ADAM9: variants seen among roughly 807,000 people sequenced by gnomAD.
The protein encoded by ADAM9 is disintegrin and metalloproteinase domain-containing protein 9.
A neutral mutation model predicts 108.1 loss-of-function variants in ADAM9; 54 were observed. The observed-to-expected ratio is 0.50, with a 90% CI of 0.40 to 0.63. ADAM9 has a LOEUF of 0.63. ADAM9 is among the 20% of genes least tolerant of loss of function. The pLI, the probability that ADAM9 is intolerant of heterozygous loss-of-function variation, is 0.00. For missense variants in ADAM9, 830 were observed against 997.7 expected, an observed-to-expected ratio of 0.83 and a Z score of 2.26; for synonymous variants, 316 against 336.0, an observed-to-expected ratio of 0.94 and a Z score of 0.65.
intron 2 of ADAM9, among the ~76,000 whole-genome samples, chr8:39,009,044 T>C (rs1836259742): frequency 6.6e-6 from 1 of 151,990 alleles, no homozygotes; most frequent in South Asian, 2.1e-4. Context: ...TTTTAGGGAG[T>C]GGGCATTGTA....
chr8:39,002,799 T>C (rs1836044084), intron 1 of ADAM9, among the ~76,000 whole-genome samples: 2 of 152,230 alleles, frequency 1.3e-5, no homozygotes, highest in South Asian at 4.1e-4. Flanking sequence ...TTAAGTTTCA[T>C]GTTTCAGTGG....
At position 39,016,112 on chromosome 8, in the gene ADAM9, A is replaced by G. The variant is rs1391031721; in HGVS notation, c.334-6A>G. The G allele has an allele frequency of 6.2e-7, 1 of 1,612,032 alleles. No homozygotes were observed. On this transcript the variant is annotated splice_polypyrimidine_tract_variant and splice_region_variant and intron_variant, in intron 4 of 21. Coordinates refer to ENST00000487273, the MANE Select transcript of ADAM9 (RefSeq NM_003816.3). The stretch of plus-strand genomic sequence containing the variant: ...ATTTGAAGATAATACAGTATTTTTC[A>G]TTTAGAATCATTGTCATTATCGGGG...
At chr8:39,047,311 G>C in intron 12 of ADAM9, among the ~76,000 whole-genome samples, 1 of 152,138 alleles carries the variant, frequency 6.6e-6, no homozygotes, top group East Asian at 1.9e-4. Context: ...GATAATGCTG[G>C]CCTCATAAAA....
chr8:39,023,298 G>A lies in ADAM9; in HGVS notation c.887G>A (p.Arg296Gln), dbSNP rs140082569. The change falls in exon 9 of 22, where the codon CGG (arginine) becomes CAG (glutamine). Residue 296 changes from arginine to glutamine, a missense_variant. By Grantham distance (43) the Arg-to-Gln change is conservative. Coordinates refer to ENST00000487273, the MANE Select transcript of ADAM9 (RefSeq NM_003816.3). ...QWREKFLITR[R>Q]RHDSAQLVLK... ...CGGGAAAAGTTTCTTATCACACGTC[G>A]GAGACATGACAGTGCACAGCTAGTT... is the stretch of plus-strand genomic sequence containing the variant. 1,244 of 1,613,102 alleles carry A rather than the reference G, an allele frequency of 7.7e-4. 10 individuals carry two copies. The South Asian group carries it at 0.01, about 14-fold the overall frequency.
rs552074989 is a variant in ADAM9 at position 39,029,918 on chromosome 8, T to G, written c.1130+3108T>G. ...AAATGAGTTTGGAAGTGTTCCTTCC[T>G]CTTCAATATTTTGAGAAGACTTTTT... is the stretch of plus-strand genomic sequence containing the variant. On this transcript the variant is annotated intron_variant, in intron 11 of 21. Transcript: ENST00000487273. 2.6e-5 allele frequency among the ~76,000 whole-genome samples: 4 copies of G among 152,354 alleles called. No homozygotes were observed. In the South Asian group the frequency reaches 8.3e-4, roughly 32 times the overall value.
At chr8:39,076,010 A>G (rs1362516657) in intron 15 of ADAM9, 1 of 152,226 alleles carries the variant, frequency 6.6e-6, no homozygotes, top group African/African-American at 2.4e-5. Flanking sequence ...GCAGCACAAC[A>G]AAAATTAGGA....
intron 20 of ADAM9, among the ~76,000 whole-genome samples, chr8:39,099,691 G>A (rs556143258): frequency 6.6e-6 from 1 of 152,100 alleles, no homozygotes; most frequent in Admixed American, 6.6e-5. Flanking sequence ...GTTTTAATTG[G>A]CAAATCATAG....
At chr8:39,080,172 GTTTAC>G (rs928329794) in intron 16 of ADAM9, among the ~76,000 whole-genome samples, 9 of 96,078 alleles carry the variant, frequency 9.4e-5, no homozygotes, top group African/African-American at 3.6e-4. Context: ...TATTCTGCTT[GTTTAC>G]TTAATAACAA....
At chr8:39,041,909 A>G (rs1837466033) in intron 11 of ADAM9, 37 bp from the exon 12 acceptor site, 1 of 1,592,812 alleles carries the variant, frequency 6.3e-7, no homozygotes, top group Admixed American at 1.7e-5. Context: ...GTGAGTAATC[A>G]CTGTGACATA....
intron 1 of ADAM9, among the ~76,000 whole-genome samples, chr8:38,999,891 G>T (rs1835942619): frequency 6.6e-6 from 1 of 152,152 alleles, no homozygotes; most frequent in South Asian, 2.1e-4. Context: ...ATATGACATA[G>T]CCTCATATTT....
intron 11 of ADAM9, among the ~76,000 whole-genome samples, chr8:39,034,154 A>T (rs1837194779): frequency 6.6e-6 from 1 of 152,128 alleles, no homozygotes; most frequent in Admixed American, 6.6e-5. Flanking sequence ...TAGCCTCCTG[A>T]TGTGCTGGGA....
chr8:39,010,544 T>C (rs1439710806), intron 2 of ADAM9, among the ~76,000 whole-genome samples: 1 of 152,194 alleles, frequency 6.6e-6, no homozygotes, highest in Non-Finnish European at 1.5e-5. Context: ...CTTCTGATAA[T>C]GTTAGTTGTC....
chr8:39,064,213 C>T lies in ADAM9; in HGVS notation c.1592-7085C>T, dbSNP rs907715135. On this transcript the variant is annotated intron_variant, in intron 14 of 21. Transcript: ENST00000487273. ...TTGGACTGCAATTACCATATCATGC[C>T]GTGAACTATCAGTGCTACGTTAACT... 5.9e-5 allele frequency among the ~76,000 whole-genome samples: 9 copies of T among 152,068 alleles called. No individual in the cohort carries two copies. The East Asian group carries it at 9.6e-4, about 16-fold the overall frequency.
At chr8:39,059,287 G>C (rs919395667) in intron 14 of ADAM9, among the ~76,000 whole-genome samples, 2 of 152,222 alleles carry the variant, frequency 1.3e-5, no homozygotes, top group Non-Finnish European at 2.9e-5. Context: ...ACAAAGCACT[G>C]CTTCTTTCAT....
At chr8:39,102,712 A>G (rs1412874046) in intron 21 of ADAM9, among the ~76,000 whole-genome samples, 1 of 152,252 alleles carries the variant, frequency 6.6e-6, no homozygotes, top group Non-Finnish European at 1.5e-5. Flanking sequence ...ACTTTAAAAT[A>G]ACTATGATGT....
chr8:39,062,994 CGAACAAACT>C (rs1838345250), intron 14 of ADAM9, among the ~76,000 whole-genome samples: 1 of 152,150 alleles, frequency 6.6e-6, no homozygotes, highest in Non-Finnish European at 1.5e-5. Context: ...GCCAACCAAC[CGAACAAACT>C]GTTAGAGACC....
chr8:39,042,183 TGCTTTGG>T, intron 12 of ADAM9, 66 bp downstream of exon 12: 1 of 1,573,292 alleles, frequency 6.4e-7, no homozygotes, highest in African/African-American at 1.3e-5. Context: ...TAAAATGGCT[TGCTTTGG>T]GCAACTCTGA....
At position 39,089,952 on chromosome 8, in the gene ADAM9, G is replaced by A; in HGVS notation, c.2069-95G>A. The A allele has an allele frequency of 3.9e-6, 5 of 1,296,368 alleles. No homozygotes were observed. The South Asian group carries it at 5.9e-5, about 15-fold the overall frequency. The allele number at this position is 1,296,368 out of a possible 1,614,324, so 80.3% of individuals were successfully genotyped here. ...CAATTAATATCAGTTTGATTTTTGA[G>A]TAATGTGAAAATTAATGTAAAGTGT... is the stretch of plus-strand genomic sequence containing the variant. On this transcript the variant is annotated intron_variant, in intron 18 of 21. Coordinates refer to ENST00000487273, the MANE Select transcript of ADAM9 (RefSeq NM_003816.3).
intron 8 of ADAM9, among the ~76,000 whole-genome samples, chr8:39,022,533 G>A (rs996782979): frequency 6.6e-6 from 1 of 152,108 alleles, no homozygotes; most frequent in African/African-American, 2.4e-5. Flanking sequence ...CATTAAATAG[G>A]TTAAATGTGG....
Sources: allele counts gnomAD v4.1 joint callset (sites outside exome capture counted in the v4.1 genomes callset), GRCh38; gene constraint gnomAD v4.1.1; transcripts MANE v1.5; gene names NCBI Gene and HGNC (gene_info 2026-07-23, HGNC 2026-07-21).